NXPE3: variants seen among roughly 807,000 people sequenced by gnomAD.
The protein encoded by NXPE3 is neurexophilin and PC-esterase domain family member 3, also known as NXPE family member 3.
NXPE3 carries 26 observed loss-of-function variants against 46.1 expected under a neutral mutation model. The observed-to-expected ratio is 0.56, with a 90% CI of 0.41 to 0.78. NXPE3 has a LOEUF of 0.78. Among genes scored for constraint, NXPE3 ranks in the 30% least tolerant of loss-of-function variants. The pLI, the probability that NXPE3 is intolerant of heterozygous loss-of-function variation, is 0.00. For synonymous variants in NXPE3, 272 were observed against 257.9 expected (o/e 1.05, Z -0.52); for missense variants, 620 against 686.0 (o/e 0.90, Z 1.07).
intron 3 of NXPE3, among the ~76,000 whole-genome samples, chr3:101,784,422 G>A (rs1940026939): frequency 6.6e-6 from 1 of 152,170 alleles, no homozygotes; most frequent in East Asian, 1.9e-4. Context: ...CATTGTCATT[G>A]TGGTTGGGAC....
At chr3:101,793,724 T>G (rs1183435579) in intron 4 of NXPE3, among the ~76,000 whole-genome samples, 1 of 151,460 alleles carries the variant, frequency 6.6e-6, no homozygotes, top group Non-Finnish European at 1.5e-5. Flanking sequence ...ATTGTTTTTA[T>G]TTTTATTTTT....
intron 3 of NXPE3, among the ~76,000 whole-genome samples, chr3:101,783,246 A>G (rs2107232528): frequency 6.6e-6 from 1 of 152,092 alleles, no homozygotes; most frequent in Middle Eastern, 3.4e-3. Flanking sequence ...TATTTTTAGT[A>G]GAGACAAGGT....
intron 4 of NXPE3, among the ~76,000 whole-genome samples, chr3:101,791,449 G>A (rs1560041325): frequency 6.6e-6 from 1 of 152,210 alleles, no homozygotes; most frequent in East Asian, 1.9e-4. Flanking sequence ...GCAATGGCAC[G>A]ATCTCTGCTC....
At chr3:101,791,152 G>A (rs575710593) in intron 4 of NXPE3, among the ~76,000 whole-genome samples, 18 of 152,056 alleles carry the variant, frequency 1.2e-4, no homozygotes, top group African/African-American at 4.3e-4. Flanking sequence ...GTGTTCATAA[G>A]TTCTTATCAT....
intron 5 of NXPE3, among the ~76,000 whole-genome samples, chr3:101,805,966 A>C (rs1188386873): frequency 6.6e-6 from 1 of 152,258 alleles, no homozygotes; most frequent in Admixed American, 6.5e-5. Context: ...TCATGAAAGT[A>C]GTTTATATGT....
Position 101,827,174 on chromosome 3 carries a change from T to C in NXPE3, c.*5220T>C, listed in dbSNP as rs1326495868. The stretch of plus-strand genomic sequence containing the variant: ...TTTTAAGAGTCTAATGATGTGTATA[T>C]CTAATGCCCATTCCAGCTGGATTGT... On this transcript the variant is annotated 3_prime_UTR_variant, in exon 8 of 8. Transcript: ENST00000273347. 1 of 152,206 alleles carries C rather than the reference T, an allele frequency of 6.6e-6. No homozygotes were observed. The highest frequency in any genetic ancestry group is 2.4e-5 in the African/African-American group (1 of 41,450). The allele number at this position is 152,206 out of a possible 1,614,324, so 9.4% of individuals were successfully genotyped here.
chr3:101,819,589 A>G (rs1942156726), intron 7 of NXPE3, among the ~76,000 whole-genome samples: 1 of 152,200 alleles, frequency 6.6e-6, no homozygotes, highest in African/African-American at 2.4e-5. Context: ...TCATTTTTCA[A>G]AATTACATTT....
intron 5 of NXPE3, among the ~76,000 whole-genome samples, chr3:101,806,350 T>G (rs1941416650): frequency 6.6e-6 from 1 of 152,160 alleles, no homozygotes; most frequent in Non-Finnish European, 1.5e-5. Context: ...TTCGAGTGCT[T>G]TTCTCCTTAC....
Position 101,785,665 on chromosome 3 carries a change from G to A in NXPE3, c.69G>A (p.Leu23=), listed in dbSNP as rs761325863. The change falls in exon 4 of 8, where the codon CTG becomes CTA. Residue 23 remains leucine (L), a synonymous_variant. Coordinates refer to ENST00000273347, the MANE Select transcript of NXPE3 (RefSeq NM_145037.4). ...TTGCAGTGTTGATGGTGGTGGTGCT[G>A]GTCATCAATGTTACTCAGGTAGAGG... is the stretch of plus-strand genomic sequence containing the variant. ...CLLAVLMVVV[L]VINVTQVEYL... The A allele has an allele frequency of 6.2e-7, 1 of 1,613,514 alleles. No homozygotes were observed. Among genetic ancestry groups the A allele is most frequent in the South Asian group, 1.1e-5 (1 of 91,058 alleles).
At chr3:101,787,100 C>A (rs910914295) in intron 4 of NXPE3, among the ~76,000 whole-genome samples, 4 of 151,800 alleles carry the variant, frequency 2.6e-5, no homozygotes, top group Non-Finnish European at 1.5e-5. Flanking sequence ...TTGCTGTGAG[C>A]TGAGATCATG....
At chr3:101,787,020 C>G (rs1940226148) in intron 4 of NXPE3, among the ~76,000 whole-genome samples, 1 of 151,976 alleles carries the variant, frequency 6.6e-6, no homozygotes, top group Non-Finnish European at 1.5e-5. Context: ...GTCAGGAGTT[C>G]AAGACCAGCC....
chr3:101,801,992 A>G lies in NXPE3; in HGVS notation c.848+3A>G. ...GCAGAGAGTGCTTTCTTCCAGAGGTATGTACTGCTTTTTCTTGGGGATGAT... is the reference window on the plus strand; with the variant it reads ...GCAGAGAGTGCTTTCTTCCAGAGGTGTGTACTGCTTTTTCTTGGGGATGAT... On this transcript the variant is annotated splice_donor_region_variant and intron_variant, in intron 5 of 7. Transcript: ENST00000273347. 3.1e-6 allele frequency: 5 copies of G among 1,590,408 alleles called. No individual in the cohort carries two copies. Among genetic ancestry groups the G allele is most frequent in the South Asian group, 1.1e-5 (1 of 88,812 alleles).
In NXPE3 at chr3:101,785,362, A is replaced by G. The variant is rs1285108099; in HGVS notation, c.-195-40A>G. 6.2e-6 allele frequency: 3 copies of G among 481,836 alleles called. No homozygotes were observed. In the East Asian group the frequency reaches 1.1e-4, roughly 18 times the overall value. The allele number at this position is 481,836 out of a possible 1,614,324, so 29.8% of individuals were successfully genotyped here. On this transcript the variant is annotated intron_variant, in intron 3 of 7. Transcript: ENST00000273347. ...TTTTCCTCTCACCCCACCCTAGGCC[A>G]TTGCAATTGGTGATGTTCTCTCATC... is the stretch of plus-strand genomic sequence containing the variant.
At chr3:101,799,072 C>A (rs1940999164) in intron 4 of NXPE3, among the ~76,000 whole-genome samples, 1 of 151,970 alleles carries the variant, frequency 6.6e-6, no homozygotes, top group African/African-American at 2.4e-5. Context: ...GTAGCTAGGA[C>A]TACAGGCATA....
At chr3:101,800,293 C>T (rs1009083704) in intron 4 of NXPE3, among the ~76,000 whole-genome samples, 1 of 152,116 alleles carries the variant, frequency 6.6e-6, no homozygotes. Context: ...TTAAATTTCT[C>T]ATGAGATTTT....
intron 4 of NXPE3, among the ~76,000 whole-genome samples, chr3:101,797,578 C>G (rs977694575): frequency 9.3e-6 from 1 of 106,982 alleles, no homozygotes; most frequent in Non-Finnish European, 1.9e-5. Flanking sequence ...TCCCCCCTCC[C>G]CCGACCCCAC....
Position 101,819,222 on chromosome 3 carries a change from T to C in NXPE3, c.1130-2182T>C, listed in dbSNP as rs538900737. ...CTAAGGAAATATTAGTTAAATTGGATTGTCAACATTTACTTAAGGCACTTA... is the reference window on the plus strand; with the variant it reads ...CTAAGGAAATATTAGTTAAATTGGACTGTCAACATTTACTTAAGGCACTTA... On this transcript the variant is annotated intron_variant, in intron 7 of 7. Coordinates refer to ENST00000273347, the MANE Select transcript of NXPE3 (RefSeq NM_145037.4). Among the ~76,000 whole-genome samples, 59 of 152,274 alleles carry C rather than the reference T, an allele frequency of 3.9e-4. No homozygotes were observed. In the East Asian group the frequency reaches 8.9e-3, roughly 23 times the overall value.
At chr3:101,814,863 G>T (rs776242679) in intron 6 of NXPE3, among the ~76,000 whole-genome samples, 6 of 152,158 alleles carry the variant, frequency 3.9e-5, no homozygotes, top group Non-Finnish European at 7.4e-5. Context: ...CAGTGGTTAA[G>T]ATCATGGGCT....
chr3:101,783,148 G>A (rs1211457235), intron 3 of NXPE3, among the ~76,000 whole-genome samples: 3 of 151,926 alleles, frequency 2.0e-5, no homozygotes, highest in Non-Finnish European at 2.9e-5. Context: ...TGCAAGCTCC[G>A]CCTCCCAGGT....
Sources: gnomAD v4.1 joint callset for allele counts (sites outside exome capture counted in the v4.1 genomes callset) on GRCh38, gnomAD v4.1.1 for gene constraint, MANE v1.5 for transcripts, NCBI Gene and HGNC (gene_info 2026-07-23, HGNC 2026-07-21) for gene names.